Variants in NRXN3 observed in about 807,000 individuals in gnomAD.
NRXN3 encodes the protein neurexin 3.
A neutral mutation model predicts 137.6 loss-of-function variants in NRXN3; 32 were observed. That is an observed-to-expected ratio of 0.23 (90% CI 0.18 to 0.31). The LOEUF is 0.31. Ranked by LOEUF, NRXN3 falls within the 10% of genes least tolerant of loss-of-function variation. NRXN3 has a pLI of 1.00. For synonymous variants in NRXN3, 798 were observed against 784.5 expected (o/e 1.02, Z -0.29); for missense variants, 1,574 against 2,062.5 (o/e 0.76, Z 4.59).
intron 8 of NRXN3, among the ~76,000 whole-genome samples, chr14:78,722,350 A>G (rs1224320554): frequency 6.6e-6 from 1 of 152,176 alleles, no homozygotes; most frequent in Non-Finnish European, 1.5e-5. Flanking sequence ...GTGTATCTTT[A>G]TTACTGTGTG....
chr14:79,590,936 T>C (rs2097797835), intron 16 of NRXN3, among the ~76,000 whole-genome samples: 1 of 152,214 alleles, frequency 6.6e-6, no homozygotes, highest in Admixed American at 6.5e-5. Context: ...CCCTCCATCT[T>C]TCTAAGGTCT....
At chr14:78,697,525 T>C (rs1362626236) in intron 6 of NRXN3, among the ~76,000 whole-genome samples, 2 of 151,884 alleles carry the variant, frequency 1.3e-5, no homozygotes, top group Non-Finnish European at 2.9e-5. Context: ...GTGAAATTCA[T>C]TTCAGGTTGA....
At chr14:78,425,811 G>A (rs2093641972) in intron 4 of NRXN3, among the ~76,000 whole-genome samples, 1 of 152,060 alleles carries the variant, frequency 6.6e-6, no homozygotes, top group Admixed American at 6.6e-5. Context: ...GAACCTCAGG[G>A]CTCCTGTCTG....
At chr14:79,269,972 T>C (rs1457213285) in intron 15 of NRXN3, among the ~76,000 whole-genome samples, 1 of 152,204 alleles carries the variant, frequency 6.6e-6, no homozygotes, top group East Asian at 1.9e-4. Flanking sequence ...GAGATTTTAA[T>C]AAACAGAAGT....
chr14:79,839,164 C>A (rs570188461), intron 20 of NRXN3, among the ~76,000 whole-genome samples: 1 of 151,616 alleles, frequency 6.6e-6, no homozygotes, highest in African/African-American at 2.4e-5. Context: ...GGTAAAGGGC[C>A]CCTTCTGCTT....
In NRXN3 at chr14:79,581,596, T is replaced by C. The variant is rs2153811161; in HGVS notation, c.3445-82182T>C. Among the ~76,000 whole-genome samples, 5 of 152,332 alleles carry C rather than the reference T, an allele frequency of 3.3e-5. No homozygotes were observed. In the Middle Eastern group the frequency reaches 0.01, roughly 311 times the overall value. On this transcript the variant is annotated intron_variant, in intron 16 of 20. Transcript: ENST00000335750. Reference sequence around the variant, plus strand: ...ATGTCTTTGTTTCTTTGATATATCATCCTTCTTCTCCTACTTATCTTAATT... The same window carrying C: ...ATGTCTTTGTTTCTTTGATATATCACCCTTCTTCTCCTACTTATCTTAATT...
At chr14:78,210,049 T>A (rs2062591474) in intron 1 of NRXN3, among the ~76,000 whole-genome samples, 2 of 152,258 alleles carry the variant, frequency 1.3e-5, no homozygotes, top group Admixed American at 1.3e-4. Flanking sequence ...AAGTGCTTAA[T>A]AAATATTTAT....
rs1176623998 is a variant in NRXN3, at chr14:78,926,753, ATATATATAT to A, written c.2276-30470_2276-30462del. 1.9e-3 allele frequency among the ~76,000 whole-genome samples: 103 copies of A among 55,024 alleles called. 7 individuals are homozygous for A. The highest frequency in any genetic ancestry group is 9.7e-3 in the African/African-American group (82 of 8,444). 36.1% of individuals were successfully genotyped at this position (55,024 alleles called of 152,430 possible). On this transcript the variant is annotated intron_variant, in intron 10 of 20. Transcript: ENST00000335750. Reference sequence around the variant, plus strand: ...TAATATAAAATATATATTATATATTATATATATATTATATATATTATATATATAAAATAT... The same window carrying A: ...TAATATAAAATATATATTATATATTATATATATATTATATATATAAAATAT...
At chr14:78,879,661 A>G (rs2099122919) in intron 10 of NRXN3, among the ~76,000 whole-genome samples, 1 of 152,204 alleles carries the variant, frequency 6.6e-6, no homozygotes, top group African/African-American at 2.4e-5. Flanking sequence ...AAGACAAGGA[A>G]TGAATCTTGT....
chr14:78,778,764 CTTTCTTTCTT>C (rs2098756118), intron 8 of NRXN3, among the ~76,000 whole-genome samples: 1 of 31,064 alleles, frequency 3.2e-5, no homozygotes, highest in Non-Finnish European at 6.0e-5. Flanking sequence ...CTTTCTCTTT[CTTTCTTTCTT>C]TCTTTCTTTC....
At chr14:79,481,115 C>A (rs867529793) in intron 16 of NRXN3, among the ~76,000 whole-genome samples, 1 of 149,100 alleles carries the variant, frequency 6.7e-6, no homozygotes, top group Non-Finnish European at 1.5e-5. Flanking sequence ...AGACAAACTC[C>A]CTGTCCTCAT....
chr14:78,912,020 T>G (rs992726662), intron 10 of NRXN3, among the ~76,000 whole-genome samples: 5 of 151,672 alleles, frequency 3.3e-5, no homozygotes, highest in East Asian at 2.0e-4. Context: ...GCTGCACCCA[T>G]TAACTCGTCA....
chr14:78,455,214 T>C (rs182480520), intron 4 of NRXN3, among the ~76,000 whole-genome samples: 1 of 152,284 alleles, frequency 6.6e-6, no homozygotes, highest in Non-Finnish European at 1.5e-5. Context: ...GGGAGTTAGA[T>C]TCCCCAGCCC....
chr14:79,295,395 T>C (rs1326453675), intron 15 of NRXN3, among the ~76,000 whole-genome samples: 3 of 151,944 alleles, frequency 2.0e-5, no homozygotes, highest in African/African-American at 4.8e-5. Context: ...TATGAAAAAA[T>C]TTAAAAAAAT....
intron 15 of NRXN3, among the ~76,000 whole-genome samples, chr14:79,269,204 C>T (rs955249957): frequency 1.3e-5 from 2 of 152,150 alleles, no homozygotes; most frequent in African/African-American, 2.4e-5. Context: ...TGCCCGCCAC[C>T]ACGCCCGGCT....
At chr14:79,663,685 C>T in intron 16 of NRXN3, 93 bp from the exon 17 acceptor site, 1 of 1,031,272 alleles carries the variant, frequency 9.7e-7, no homozygotes, top group Non-Finnish European at 1.4e-6. Flanking sequence ...CCTCTGGGCA[C>T]CTACAGGTTT....
At chr14:79,422,540 C>T (rs1293159318) in intron 15 of NRXN3, among the ~76,000 whole-genome samples, 1 of 152,136 alleles carries the variant, frequency 6.6e-6, no homozygotes, top group African/African-American at 2.4e-5. Flanking sequence ...ATATTTCCCT[C>T]TCACATTAGT....
At chr14:78,864,524 T>C (rs2099081458) in intron 10 of NRXN3, among the ~76,000 whole-genome samples, 1 of 152,168 alleles carries the variant, frequency 6.6e-6, no homozygotes, top group Non-Finnish European at 1.5e-5. Context: ...CCATACATTT[T>C]AAGATACTCT....
intron 10 of NRXN3, among the ~76,000 whole-genome samples, chr14:78,918,055 G>A (rs1484449335): frequency 1.3e-5 from 2 of 150,316 alleles, no homozygotes; most frequent in African/African-American, 4.9e-5. Flanking sequence ...GGAGGCCAAG[G>A]CAGGCAGATC....
Sources: allele counts gnomAD v4.1 joint callset (sites outside exome capture counted in the v4.1 genomes callset), GRCh38; gene constraint gnomAD v4.1.1; transcripts MANE v1.5; gene names NCBI Gene and HGNC (gene_info 2026-07-23, HGNC 2026-07-21).